Variants in CENPP observed in about 807,000 individuals in gnomAD.
CENPP encodes centromere protein P.
A neutral mutation model predicts 35.6 loss-of-function variants in CENPP; 24 were observed. The ratio of observed to expected loss-of-function variants is 0.67; its 90% CI spans 0.49 to 0.95. The LOEUF is 0.95. Among genes scored for constraint, CENPP ranks in the 40% least tolerant of loss-of-function variants. CENPP has a pLI of 0.00. For synonymous variants in CENPP, 120 were observed against 125.5 expected, an observed-to-expected ratio of 0.96 and a Z score of 0.29; for missense variants, 332 against 345.3, an observed-to-expected ratio of 0.96 and a Z score of 0.31.
Position 92,615,905 on chromosome 9 carries a change from G to A in CENPP, c.*2756G>A, listed in dbSNP as rs1409966471. ...AGTCGACATCACGGCGTTGTCTTTGGCACGTACAGTCTTTGAATAATAGTT... is the reference window on the plus strand; with the variant it reads ...AGTCGACATCACGGCGTTGTCTTTGACACGTACAGTCTTTGAATAATAGTT... On this transcript the variant is annotated 3_prime_UTR_variant, in exon 8 of 8. Transcript: ENST00000375587. 6.2e-7 allele frequency: 1 copy of A among 1,614,040 alleles called. No individual in the cohort carries two copies. Among genetic ancestry groups the A allele is most frequent in the African/African-American group, 1.3e-5 (1 of 74,922 alleles).
At chr9:92,610,339 C>G (rs893200325) in intron 5 of CENPP, among the ~76,000 whole-genome samples, 1 of 152,196 alleles carries the variant, frequency 6.6e-6, no homozygotes, top group African/African-American at 2.4e-5. Context: ...CAGGCATGAG[C>G]CACTGCACCT....
chr9:92,457,104 A>G (rs1192180645), intron 5 of CENPP: 4 of 1,395,986 alleles, frequency 2.9e-6, no homozygotes, highest in South Asian at 1.7e-5. Context: ...CTCAACCCTT[A>G]TGTATCAATA....
At chr9:92,470,293 T>C (rs1845464713) in intron 5 of CENPP, among the ~76,000 whole-genome samples, 3 of 152,232 alleles carry the variant, frequency 2.0e-5, no homozygotes, top group Admixed American at 2.0e-4. Context: ...GTTAGAGATT[T>C]GTGGTGTCTT....
intron 5 of CENPP, among the ~76,000 whole-genome samples, chr9:92,546,406 C>T (rs538804796): frequency 2.0e-4 from 30 of 152,312 alleles, no homozygotes; most frequent in African/African-American, 7.2e-4. Context: ...CTCTTTGGGT[C>T]CACGCTGACT....
At chr9:92,517,388 G>T in intron 5 of CENPP, 1 of 550,490 alleles carries the variant, frequency 1.8e-6, no homozygotes, top group Non-Finnish European at 3.2e-6. Context: ...TAAGAATTCA[G>T]GATCTGTTGT....
At chr9:92,567,635 A>G (rs1321645335) in intron 5 of CENPP, among the ~76,000 whole-genome samples, 2 of 152,066 alleles carry the variant, frequency 1.3e-5, no homozygotes, top group African/African-American at 4.8e-5. Flanking sequence ...TGCTTTCTAC[A>G]TAATTTAAGA....
chr9:92,516,097 T>A (rs1343839902), intron 5 of CENPP, among the ~76,000 whole-genome samples: 1 of 147,748 alleles, frequency 6.8e-6, no homozygotes, highest in Non-Finnish European at 1.5e-5. Context: ...GGAGTCTTGC[T>A]CTGTCGCCCA....
intron 5 of CENPP, among the ~76,000 whole-genome samples, chr9:92,580,270 G>T (rs368979247): frequency 2.8e-4 from 43 of 152,016 alleles, no homozygotes; most frequent in Non-Finnish European, 5.3e-4. Flanking sequence ...TCTCTTTTTT[G>T]GTTGTGTCTC....
chr9:92,536,855 G>T (rs7872610), intron 5 of CENPP, among the ~76,000 whole-genome samples: 2 of 150,432 alleles, frequency 1.3e-5, no homozygotes, highest in Non-Finnish European at 3.0e-5. Flanking sequence ...GGTAATTTTA[G>T]AACTATTTTT....
intron 5 of CENPP, among the ~76,000 whole-genome samples, chr9:92,597,812 C>T (rs1490891438): frequency 1.3e-5 from 2 of 152,186 alleles, no homozygotes; most frequent in Non-Finnish European, 2.9e-5. Context: ...ACTGCTAGGA[C>T]TTACATTCCA....
intron 5 of CENPP, among the ~76,000 whole-genome samples, chr9:92,486,337 A>G (rs551024017): frequency 6.6e-6 from 1 of 152,348 alleles, no homozygotes; most frequent in Admixed American, 6.5e-5. Flanking sequence ...CTCATGGTGG[A>G]CTAGGCACTT....
chr9:92,350,712 T>G (rs1841419337), intron 4 of CENPP, among the ~76,000 whole-genome samples: 1 of 152,246 alleles, frequency 6.6e-6, no homozygotes, highest in Admixed American at 6.5e-5. Flanking sequence ...TAAATAATTT[T>G]TAAAATAGTT....
chr9:92,448,209 C>T (rs2131015622), intron 5 of CENPP, among the ~76,000 whole-genome samples: 1 of 152,064 alleles, frequency 6.6e-6, no homozygotes, highest in Admixed American at 6.5e-5. Context: ...AGGCTGGCCA[C>T]ACCACGTGGG....
chr9:92,522,511 C>G, intron 5 of CENPP: 1 of 1,431,796 alleles, frequency 7.0e-7, no homozygotes. Context: ...CTCTCCTTCT[C>G]TTTCCCCATA....
At chr9:92,520,888 C>T (rs577002229) in intron 5 of CENPP, among the ~76,000 whole-genome samples, 2 of 152,192 alleles carry the variant, frequency 1.3e-5, no homozygotes, top group Non-Finnish European at 2.9e-5. Context: ...ATTCCATTTA[C>T]ATGAAATTTC....
chr9:92,524,034 C>T (rs150485454), intron 5 of CENPP, among the ~76,000 whole-genome samples: 16 of 152,302 alleles, frequency 1.1e-4, no homozygotes, highest in East Asian at 9.7e-4. Context: ...TCAGACATGG[C>T]CCCCTCTCTG....
At chr9:92,545,630 G>C (rs1001626194) in intron 5 of CENPP, among the ~76,000 whole-genome samples, 2 of 152,212 alleles carry the variant, frequency 1.3e-5, no homozygotes, top group African/African-American at 2.4e-5. Flanking sequence ...TGAGGAGTGC[G>C]GGCACAGGGC....
At chr9:92,395,083 G>A (rs1327227983) in intron 5 of CENPP, among the ~76,000 whole-genome samples, 6 of 151,540 alleles carry the variant, frequency 4.0e-5, no homozygotes, top group Non-Finnish European at 7.4e-5. Flanking sequence ...TATTTAAATC[G>A]TACAACATAT....
intron 5 of CENPP, among the ~76,000 whole-genome samples, chr9:92,481,016 G>T (rs1183136174): frequency 2.0e-5 from 3 of 152,154 alleles, no homozygotes; most frequent in African/African-American, 7.2e-5. Context: ...AAGCATTCTA[G>T]CTGTTCTTCC....
Sources: allele counts gnomAD v4.1 joint callset (sites outside exome capture counted in the v4.1 genomes callset), GRCh38; gene constraint gnomAD v4.1.1; transcripts MANE v1.5; gene names NCBI Gene and HGNC (gene_info 2026-07-23, HGNC 2026-07-21).